Variants in KCNK2 observed in about 807,000 individuals in gnomAD.
KCNK2 encodes the protein potassium two pore domain channel subfamily K member 2.
Under a neutral mutation model 40.5 loss-of-function variants are expected in KCNK2, and 21 were observed. That is an observed-to-expected ratio of 0.52 (90% confidence interval 0.37 to 0.75). The LOEUF (loss-of-function observed/expected upper bound fraction) is 0.75, where lower values mean the gene tolerates loss of function less well. KCNK2 is among the 30% of genes least tolerant of loss of function. The pLI is 0.00. For missense variants in KCNK2, 399 were observed against 531.6 expected (o/e 0.75, Z 2.45); for synonymous variants, 191 against 202.2 (o/e 0.94, Z 0.47).
intron 3 of KCNK2, among the ~76,000 whole-genome samples, chr1:215,159,112 G>T (rs912436903): frequency 3.9e-5 from 6 of 152,094 alleles, no homozygotes; most frequent in African/African-American, 1.4e-4. Flanking sequence ...TGTCATGCTT[G>T]CCCTGATGAA....
intron 5 of KCNK2, among the ~76,000 whole-genome samples, chr1:215,183,631 G>A (rs1664316352): frequency 6.6e-6 from 1 of 152,086 alleles, no homozygotes; most frequent in Non-Finnish European, 1.5e-5. Context: ...GTAAAAGTAA[G>A]TGTGCTAATC....
At chr1:215,117,856 A>G (rs767714874) in intron 2 of KCNK2, among the ~76,000 whole-genome samples, 4 of 152,130 alleles carry the variant, frequency 2.6e-5, no homozygotes, top group Non-Finnish European at 5.9e-5. Flanking sequence ...AGATGGGTCT[A>G]GTATCCTGCT....
chr1:215,010,864 TTTTTTGTGTGTGTG>T (rs1393949030), intron 1 of KCNK2, among the ~76,000 whole-genome samples: 9 of 137,876 alleles, frequency 6.5e-5, no homozygotes, highest in Non-Finnish European at 1.3e-4. Context: ...TTTTTTTTTT[TTTTTTGTGTGTGTG>T]TGTGTGTGTG....
intron 2 of KCNK2, among the ~76,000 whole-genome samples, chr1:215,097,486 A>G (rs1023326189): frequency 1.7e-5 from 2 of 118,786 alleles, no homozygotes; most frequent in African/African-American, 5.3e-5. Flanking sequence ...TTTTGGGGTG[A>G]ATGTTAATAA....
chr1:215,179,675 A>G (rs1664144806), intron 5 of KCNK2, among the ~76,000 whole-genome samples: 1 of 152,068 alleles, frequency 6.6e-6, no homozygotes, highest in South Asian at 2.1e-4. Flanking sequence ...TGGTTTTGAG[A>G]GATCTTCTTG....
chr1:215,158,533 A>G (rs1663031675), intron 3 of KCNK2, among the ~76,000 whole-genome samples: 1 of 152,128 alleles, frequency 6.6e-6, no homozygotes, highest in African/African-American at 2.4e-5. Context: ...AGTAAAGCCT[A>G]TTTCTAGCAA....
intron 6 of KCNK2, among the ~76,000 whole-genome samples, chr1:215,203,650 C>A (rs976097433): frequency 6.6e-6 from 1 of 151,178 alleles, no homozygotes. Context: ...AAAAGATAAA[C>A]AAACAAACAA....
At chr1:215,204,031 C>G (rs1244103457) in intron 6 of KCNK2, among the ~76,000 whole-genome samples, 1 of 105,640 alleles carries the variant, frequency 9.5e-6, no homozygotes, top group Non-Finnish European at 1.8e-5. Flanking sequence ...GAGCGAGACT[C>G]CGTCTCAAAA....
chr1:215,007,227 A>ATATATATATATATATATATATATG (rs1337347831), intron 1 of KCNK2, among the ~76,000 whole-genome samples: 1 of 95,772 alleles, frequency 1.0e-5, no homozygotes, highest in Non-Finnish European at 2.1e-5. Context: ...ATATATATAT[A>ATATATATATATATATATATATATG]GGCTCATTTC....
At chr1:215,108,683 T>A (rs1660546009) in intron 2 of KCNK2, among the ~76,000 whole-genome samples, 1 of 151,944 alleles carries the variant, frequency 6.6e-6, no homozygotes, top group Admixed American at 6.6e-5. Context: ...GGTAAAGGGT[T>A]TATTAAGCAG....
intron 6 of KCNK2, among the ~76,000 whole-genome samples, chr1:215,208,558 C>T (rs964725872): frequency 1.3e-5 from 2 of 152,152 alleles, no homozygotes; most frequent in African/African-American, 4.8e-5. Flanking sequence ...CATCTTGCAG[C>T]TGTTTGTTCA....
intron 1 of KCNK2, among the ~76,000 whole-genome samples, chr1:215,031,172 C>G (rs1296272601): frequency 6.6e-6 from 1 of 152,108 alleles, no homozygotes; most frequent in Non-Finnish European, 1.5e-5. Flanking sequence ...CAGGGATTAT[C>G]AGTCCTCTGA....
At chr1:215,176,749 T>C (rs1399739195) in intron 5 of KCNK2, among the ~76,000 whole-genome samples, 2 of 152,154 alleles carry the variant, frequency 1.3e-5, no homozygotes, top group Non-Finnish European at 2.9e-5. Context: ...TGATGGGCAT[T>C]TGGGTTGATT....
chr1:215,012,053 T>C (rs1656417060), intron 1 of KCNK2, among the ~76,000 whole-genome samples: 1 of 152,164 alleles, frequency 6.6e-6, no homozygotes, highest in South Asian at 2.1e-4. Flanking sequence ...AAAACACCAG[T>C]GAAGAACTTT....
intron 1 of KCNK2, among the ~76,000 whole-genome samples, chr1:215,014,944 G>GGA (rs1180882822): frequency 1.2e-4 from 19 of 152,228 alleles, no homozygotes; most frequent in African/African-American, 4.3e-4. Flanking sequence ...TTAGCTAAAG[G>GGA]GAGAGAGCTC....
At chr1:215,197,030 A>G (rs1664894912) in intron 6 of KCNK2, among the ~76,000 whole-genome samples, 1 of 152,212 alleles carries the variant, frequency 6.6e-6, no homozygotes, top group South Asian at 2.1e-4. Flanking sequence ...TATGTATTAT[A>G]TACATACACA....
At chr1:215,042,984 A>G (rs917783057) in intron 1 of KCNK2, among the ~76,000 whole-genome samples, 7 of 152,258 alleles carry the variant, frequency 4.6e-5, no homozygotes, top group Admixed American at 2.0e-4. Context: ...AACATTTACT[A>G]TGTTTATTGC....
chr1:215,158,384 A>T (rs572854830), intron 3 of KCNK2, among the ~76,000 whole-genome samples: 1 of 152,252 alleles, frequency 6.6e-6, no homozygotes, highest in East Asian at 1.9e-4. Context: ...TTTTCTGAGG[A>T]TGTTCCATAG....
intron 3 of KCNK2, among the ~76,000 whole-genome samples, chr1:215,137,165 T>C (rs1330408087): frequency 6.6e-6 from 1 of 152,192 alleles, no homozygotes; most frequent in African/African-American, 2.4e-5. Context: ...TTATTGGTGA[T>C]GATATTACTT....
Sources: gnomAD v4.1 joint callset for allele counts (sites outside exome capture counted in the v4.1 genomes callset) on GRCh38, gnomAD v4.1.1 for gene constraint, MANE v1.5 for transcripts, NCBI Gene and HGNC (gene_info 2026-07-23, HGNC 2026-07-21) for gene names.